UGT2A1: variants seen among roughly 807,000 people sequenced by gnomAD.
UGT2A1 encodes the protein UDP-glucuronosyltransferase 2A1.
Under a neutral mutation model 45.4 loss-of-function variants are expected in UGT2A1, and 61 were observed. That is an observed-to-expected ratio of 1.34 (90% CI 1.09 to 1.66). UGT2A1 has a LOEUF of 1.66. Among genes scored for constraint, UGT2A1 ranks in the 40% most tolerant of loss-of-function variants. UGT2A1 has a pLI of 0.00. For synonymous variants in UGT2A1, 229 were observed against 196.2 expected, an observed-to-expected ratio of 1.17 and a Z score of -1.40; for missense variants, 649 against 574.3, an observed-to-expected ratio of 1.13 and a Z score of -1.33.
chr4:69,626,247 G>A (rs1351595721), intron 3 of UGT2A1, among the ~76,000 whole-genome samples: 1 of 150,654 alleles, frequency 6.6e-6, no homozygotes, highest in Non-Finnish European at 1.5e-5. Context: ...AAGTTTATTA[G>A]ATCACATTCT....
chr4:69,594,511 G>GAA lies in UGT2A1; in HGVS notation c.1269_1270insTT (p.Leu424PhefsTer5), dbSNP rs774684852. ...TTAATGACTGTTCTCAAAGCGCTAA[G>GAA]CAAATCCACACTTGTCATTGTGTTT... On this transcript the variant is annotated frameshift_variant, in exon 6 of 7. Coordinates refer to ENST00000286604, the MANE Select transcript of UGT2A1 (RefSeq NM_001252275.3). LOFTEE classifies it high-confidence loss of function. 11 of 1,614,044 alleles carry GAA rather than the reference G, an allele frequency of 6.8e-6. No homozygotes were observed. Among genetic ancestry groups the GAA allele is most frequent in the Admixed American group, 1.7e-5 (1 of 59,994 alleles).
chr4:69,610,239 G>T (rs1719954928), intron 3 of UGT2A1, among the ~76,000 whole-genome samples: 1 of 128,846 alleles, frequency 7.8e-6, no homozygotes, highest in African/African-American at 3.1e-5. Context: ...TTCTAATTCT[G>T]CCATTACAAA....
chr4:69,621,445 G>C (rs1720750008), intron 3 of UGT2A1, among the ~76,000 whole-genome samples: 1 of 151,822 alleles, frequency 6.6e-6, no homozygotes, highest in African/African-American at 2.4e-5. Context: ...CAAAACCACA[G>C]TGAGATACCA....
In UGT2A1 at chr4:69,589,109, T is replaced by A; in HGVS notation, c.*263A>T. 3.2e-6 allele frequency: 1 copy of A among 308,660 alleles called. No homozygotes were observed. The highest frequency in any genetic ancestry group is 5.9e-6 in the Non-Finnish European group (1 of 170,016). 19.1% of individuals were successfully genotyped at this position (308,660 alleles called of 1,614,324 possible). Reference sequence around the variant, plus strand: ...CATATTTAAAATTAGGTAGTATCCTTGTGTCAGAAAAGTGACAGGAAGAGG... The same window carrying A: ...CATATTTAAAATTAGGTAGTATCCTAGTGTCAGAAAAGTGACAGGAAGAGG... On this transcript the variant is annotated 3_prime_UTR_variant, in exon 7 of 7. Transcript: ENST00000286604.
intron 3 of UGT2A1, among the ~76,000 whole-genome samples, chr4:69,634,172 G>A (rs371196597): frequency 1.9e-3 from 288 of 152,200 alleles, no homozygotes; most frequent in African/African-American, 6.6e-3. Flanking sequence ...GTGAACCCGG[G>A]AGGCGGAGCT....
chr4:69,643,190 CA>C (rs1578006293), intron 2 of UGT2A1, among the ~76,000 whole-genome samples: 1 of 151,184 alleles, frequency 6.6e-6, no homozygotes, highest in African/African-American at 2.4e-5. Flanking sequence ...TACAATGGCC[CA>C]ATTATATTCA....
chr4:69,619,135 T>C (rs1314112119), intron 3 of UGT2A1, among the ~76,000 whole-genome samples: 1 of 151,942 alleles, frequency 6.6e-6, no homozygotes, highest in African/African-American at 2.4e-5. Context: ...ATGTGCTTCA[T>C]GCCTACAATC....
intron 2 of UGT2A1, among the ~76,000 whole-genome samples, chr4:69,644,037 T>C (rs993126695): frequency 1.3e-5 from 2 of 151,642 alleles, no homozygotes; most frequent in African/African-American, 4.8e-5. Flanking sequence ...TATTGTGTTT[T>C]AATAAAGACA....
chr4:69,632,199 A>G (rs1316257198), intron 3 of UGT2A1, among the ~76,000 whole-genome samples: 1 of 152,224 alleles, frequency 6.6e-6, no homozygotes, highest in East Asian at 1.9e-4. Flanking sequence ...GTGTTTTGAT[A>G]TAAATATAAC....
intron 3 of UGT2A1, among the ~76,000 whole-genome samples, chr4:69,602,536 AC>A (rs1719358273): frequency 7.3e-6 from 1 of 137,232 alleles, no homozygotes; most frequent in Non-Finnish European, 1.6e-5. Flanking sequence ...CAAATCCAAA[AC>A]AATATACAGA....
chr4:69,647,793 G>A (rs1722350849), intron 1 of UGT2A1, 95 bp from the exon 2 acceptor site: 2 of 537,186 alleles, frequency 3.7e-6, no homozygotes, highest in African/African-American at 2.0e-5. Context: ...AGTGATACTA[G>A]TCATAGTAGC....
At chr4:69,620,147 A>G (rs913346544) in intron 3 of UGT2A1, among the ~76,000 whole-genome samples, 2 of 152,048 alleles carry the variant, frequency 1.3e-5, no homozygotes, top group African/African-American at 4.8e-5. Context: ...ATCAGGCAAG[A>G]GAAAGAAATA....
At chr4:69,651,912 G>T (rs975475467) in intron 1 of UGT2A1, among the ~76,000 whole-genome samples, 16 of 152,180 alleles carry the variant, frequency 1.1e-4, no homozygotes, top group Non-Finnish European at 2.4e-4. Flanking sequence ...CACCCTAAGG[G>T]AAGAATCATG....
chr4:69,621,502 CAG>C (rs1227618221), intron 3 of UGT2A1, among the ~76,000 whole-genome samples: 1 of 151,742 alleles, frequency 6.6e-6, no homozygotes, highest in Non-Finnish European at 1.5e-5. Flanking sequence ...AAAAAAATAA[CAG>C]ATGCTGGCGA....
intron 6 of UGT2A1, among the ~76,000 whole-genome samples, chr4:69,592,233 T>C (rs576067880): frequency 6.6e-6 from 1 of 152,262 alleles, no homozygotes; most frequent in African/African-American, 2.4e-5. Flanking sequence ...GAAAAGTGAA[T>C]GAAATATTAA....
intron 3 of UGT2A1, among the ~76,000 whole-genome samples, chr4:69,616,162 A>G (rs7670819): frequency 0.51 from 78,024 of 151,624 alleles, 20,498 homozygotes; most frequent in Non-Finnish European, 0.56. Context: ...TGGAAGCTAA[A>G]AACAATAATT....
rs1005593390 is a variant in UGT2A1, at chr4:69,595,310, G to A, written c.997-61C>T. 7.6e-6 allele frequency: 12 copies of A among 1,580,718 alleles called. No individual in the cohort carries two copies. In the African/African-American group the frequency reaches 8.1e-5, roughly 11 times the overall value. ...ACACAATGAGGACATTTTAAGTTGG[G>A]AGAATTATTTAGAAATCATTTAGCC... is the stretch of plus-strand genomic sequence containing the variant. On this transcript the variant is annotated intron_variant, in intron 4 of 6. Coordinates refer to ENST00000286604, the MANE Select transcript of UGT2A1 (RefSeq NM_001252275.3).
rs774158000 is a variant in UGT2A1 at position 69,589,512 on chromosome 4, T to G, written c.1444A>C (p.Thr482Pro). The G allele has an allele frequency of 6.2e-6, 10 of 1,614,080 alleles. No homozygotes were observed. Among genetic ancestry groups the G allele is most frequent in the Non-Finnish European group, 8.5e-6 (10 of 1,180,008 alleles). Residue 482 changes from threonine (T) to proline (P), a missense_variant, in exon 7 of 7, where the codon ACC (threonine) becomes CCC (proline). Transcript: ENST00000286604. ...KHLRVAAHDL[T>P]WFQYHSLDVI... ...TCCAAAGAGTGGTACTGGAACCAGG[T>G]GAGGTCATGGGCTGCAACCCGAAGG...
intron 3 of UGT2A1, among the ~76,000 whole-genome samples, chr4:69,629,426 A>C (rs1721265003): frequency 6.6e-6 from 1 of 151,978 alleles, no homozygotes; most frequent in Admixed American, 6.6e-5. Context: ...GCCTAATAAG[A>C]GTGTTTTTGT....
Sources: allele counts gnomAD v4.1 joint callset (sites outside exome capture counted in the v4.1 genomes callset), GRCh38; gene constraint gnomAD v4.1.1; transcripts MANE v1.5; gene names NCBI Gene and HGNC (gene_info 2026-07-23, HGNC 2026-07-21).